KCNIP4: variants seen among roughly 807,000 people sequenced by gnomAD.
KCNIP4 encodes Kv channel-interacting protein 4.
Under a neutral mutation model 34.0 loss-of-function variants are expected in KCNIP4, and 12 were observed. That is an observed-to-expected ratio of 0.35 (90% confidence interval 0.23 to 0.57). The LOEUF is 0.57. KCNIP4 is among the 20% of genes least tolerant of loss of function. The pLI is 0.83. For synonymous variants in KCNIP4, 124 were observed against 102.2 expected (o/e 1.21, Z -1.29); for missense variants, 238 against 311.7 (o/e 0.76, Z 1.78).
chr4:21,336,180 G>A (rs776353557), intron 1 of KCNIP4, among the ~76,000 whole-genome samples: 15 of 151,712 alleles, frequency 9.9e-5, no homozygotes, highest in Non-Finnish European at 2.1e-4. Flanking sequence ...GTTCTAATTC[G>A]ATATTCACCT....
intron 1 of KCNIP4, among the ~76,000 whole-genome samples, chr4:21,187,898 A>G (rs982105622): frequency 1.3e-5 from 2 of 152,120 alleles, no homozygotes; most frequent in Non-Finnish European, 1.5e-5. Context: ...TGAAAACTGT[A>G]CCCTTTACTA....
Position 20,729,999 on chromosome 4 carries a change from C to CTATG in KCNIP4, c.*79_*82dup. On this transcript the variant is annotated 3_prime_UTR_variant, in exon 9 of 9. Coordinates refer to ENST00000382152, the MANE Select transcript of KCNIP4 (RefSeq NM_025221.6). ...ATGCTTCAGTGTCAAGCTGAGCAAT[C>CTATG]TATGCTAAAAGTGGTAGCTCCAACT... 2 of 1,473,636 alleles carry CTATG rather than the reference C, an allele frequency of 1.4e-6. No individual in the cohort carries two copies. The highest frequency in any genetic ancestry group is 4.8e-5 in the East Asian group (2 of 41,738). 91.3% of individuals were successfully genotyped at this position (1,473,636 alleles called of 1,614,324 possible).
intron 1 of KCNIP4, among the ~76,000 whole-genome samples, chr4:21,501,396 C>G (rs1046552719): frequency 6.6e-6 from 1 of 151,954 alleles, no homozygotes; most frequent in Non-Finnish European, 1.5e-5. Flanking sequence ...GTACTACCCT[C>G]TTACCTTTCA....
At chr4:20,867,571 C>A (rs181469618) in intron 2 of KCNIP4, among the ~76,000 whole-genome samples, 2 of 152,124 alleles carry the variant, frequency 1.3e-5, no homozygotes, top group Admixed American at 1.3e-4. Flanking sequence ...TATAAAAATC[C>A]TGGAAGACAA....
At chr4:21,317,784 C>A (rs572078961) in intron 1 of KCNIP4, among the ~76,000 whole-genome samples, 63 of 152,234 alleles carry the variant, frequency 4.1e-4, no homozygotes, top group African/African-American at 1.5e-3. Flanking sequence ...CTTTCCCATG[C>A]TGTTCTCATG....
chr4:21,709,364 C>T (rs940366947), intron 1 of KCNIP4, among the ~76,000 whole-genome samples: 2 of 152,102 alleles, frequency 1.3e-5, no homozygotes, highest in African/African-American at 2.4e-5. Flanking sequence ...TGATGATTTA[C>T]CATTCAGAAG....
At chr4:21,129,447 C>T (rs549473216) in intron 1 of KCNIP4, among the ~76,000 whole-genome samples, 1 of 152,284 alleles carries the variant, frequency 6.6e-6, no homozygotes, top group East Asian at 1.9e-4. Context: ...TCCAGGATCA[C>T]CCCACTGGGA....
At chr4:20,786,569 CTT>C (rs1712025892) in intron 3 of KCNIP4, among the ~76,000 whole-genome samples, 2 of 152,134 alleles carry the variant, frequency 1.3e-5, no homozygotes, top group African/African-American at 2.4e-5. Context: ...TAGATGGAAA[CTT>C]TATCAGAAAA....
At chr4:21,534,526 T>C (rs574384628) in intron 1 of KCNIP4, among the ~76,000 whole-genome samples, 3 of 152,298 alleles carry the variant, frequency 2.0e-5, no homozygotes, top group Middle Eastern at 6.8e-3. Context: ...AGTGCCCATA[T>C]TGAAAACCAA....
At position 21,085,512 on chromosome 4, in the gene KCNIP4, C is replaced by T. The variant is rs557769648; in HGVS notation, c.62-202803G>A. 1.1e-3 allele frequency among the ~76,000 whole-genome samples: 170 copies of T among 151,874 alleles called. 2 individuals are homozygous for T. The highest frequency in any genetic ancestry group is 1.8e-3 in the Admixed American group (28 of 15,244). On this transcript the variant is annotated intron_variant, in intron 1 of 8. Coordinates refer to ENST00000382152, the MANE Select transcript of KCNIP4 (RefSeq NM_025221.6). ...TGTATTTCTCATGGCTTTTTGAAAT[C>T]ACCAGACAATTTCCTGCCTCCATGG...
chr4:21,736,571 C>T (rs1716004309), intron 1 of KCNIP4, among the ~76,000 whole-genome samples: 1 of 152,160 alleles, frequency 6.6e-6, no homozygotes, highest in Non-Finnish European at 1.5e-5. Flanking sequence ...AGGCTTTATG[C>T]TATCATCCCA....
intron 1 of KCNIP4, among the ~76,000 whole-genome samples, chr4:21,922,202 C>T (rs1187853990): frequency 6.6e-6 from 1 of 152,172 alleles, no homozygotes; most frequent in Non-Finnish European, 1.5e-5. Flanking sequence ...TTCAAAGAAG[C>T]CCTCTCTGAC....
intron 1 of KCNIP4, among the ~76,000 whole-genome samples, chr4:21,495,499 C>A (rs1732776052): frequency 6.6e-6 from 1 of 152,030 alleles, no homozygotes; most frequent in African/African-American, 2.4e-5. Context: ...TGGAAACAAC[C>A]TTATTATCAT....
chr4:21,862,188 T>C (rs1375216327), intron 1 of KCNIP4, among the ~76,000 whole-genome samples: 4 of 152,158 alleles, frequency 2.6e-5, no homozygotes, highest in Admixed American at 6.5e-5. Context: ...CACTCACTGT[T>C]ACTTTAGGCT....
At chr4:21,265,056 A>G (rs541262039) in intron 1 of KCNIP4, among the ~76,000 whole-genome samples, 1 of 152,074 alleles carries the variant, frequency 6.6e-6, no homozygotes, top group Non-Finnish European at 1.5e-5. Flanking sequence ...CCGAGATCAT[A>G]CCACTGCATT....
chr4:21,479,155 C>A (rs1731224355), intron 1 of KCNIP4, among the ~76,000 whole-genome samples: 1 of 152,124 alleles, frequency 6.6e-6, no homozygotes, highest in Admixed American at 6.6e-5. Context: ...TGTGGGCCAG[C>A]CCAGTATCTG....
Position 21,013,540 on chromosome 4 carries a change from G to A in KCNIP4, c.62-130831C>T, listed in dbSNP as rs143158648. On this transcript the variant is annotated intron_variant, in intron 1 of 8. Coordinates refer to ENST00000382152, the MANE Select transcript of KCNIP4 (RefSeq NM_025221.6). ...CCTTGAAAATGCCACCAAGCTTTTG[G>A]GCTCAGAATGAATCATGATGGAAGC... Among the ~76,000 whole-genome samples, 570 of 152,210 alleles carry A rather than the reference G, an allele frequency of 3.7e-3. 5 individuals carry two copies. Among genetic ancestry groups the A allele is most frequent in the African/African-American group, 0.013 (543 of 41,546 alleles).
rs1209565791 is a variant in KCNIP4, at chr4:21,103,762, G to A, written c.62-221053C>T. On this transcript the variant is annotated intron_variant, in intron 1 of 8. Coordinates refer to ENST00000382152, the MANE Select transcript of KCNIP4 (RefSeq NM_025221.6). The stretch of plus-strand genomic sequence containing the variant: ...CCCCCACCACACAACAGGCCCCAGA[G>A]TGTGATGTTCCCCTTCCTGTGTCCA... Among the ~76,000 whole-genome samples, 3 of 118,950 alleles carry A rather than the reference G, an allele frequency of 2.5e-5. No individual in the cohort carries two copies. In the Admixed American group the frequency reaches 3.4e-4, roughly 13 times the overall value. 78.0% of individuals were successfully genotyped at this position (118,950 alleles called of 152,430 possible).
At position 21,357,193 on chromosome 4, in the gene KCNIP4, G is replaced by T. The variant is rs949298677; in HGVS notation, c.62-474484C>A. Among the ~76,000 whole-genome samples the T allele has an allele frequency of 2.6e-4, 40 of 152,024 alleles. 1 individual carries two copies. The highest frequency in any genetic ancestry group is 1.3e-4 in the Admixed American group (2 of 15,248). On this transcript the variant is annotated intron_variant, in intron 1 of 8. Transcript: ENST00000382152. Reference sequence around the variant, plus strand: ...AGATGGATTGAAGACTTAAATTTTGGACCTAAAACCATAAAAACCCTAGAA... The same window carrying T: ...AGATGGATTGAAGACTTAAATTTTGTACCTAAAACCATAAAAACCCTAGAA...
Sources: allele counts gnomAD v4.1 joint callset (sites outside exome capture counted in the v4.1 genomes callset), GRCh38; gene constraint gnomAD v4.1.1; transcripts MANE v1.5; gene names NCBI Gene and HGNC (gene_info 2026-07-23, HGNC 2026-07-21).